The following PPP2R3A variants were observed in gnomAD, a reference collection of about 807,000 sequenced individuals.
The protein encoded by PPP2R3A is serine/threonine-protein phosphatase 2A regulatory subunit B'' subunit alpha.
A neutral mutation model predicts 106.9 loss-of-function variants in PPP2R3A; 80 were observed. That is an observed-to-expected ratio of 0.75 (90% confidence interval 0.62 to 0.90). The LOEUF (loss-of-function observed/expected upper bound fraction) is 0.90, where lower values mean the gene tolerates loss of function less well. Among genes scored for constraint, PPP2R3A ranks in the 40% least tolerant of loss-of-function variants. The pLI is 0.00. For synonymous variants in PPP2R3A, 483 were observed against 468.3 expected (o/e 1.03, Z -0.41); for missense variants, 1,386 against 1,350.4 (o/e 1.03, Z -0.41).
chr3:136,050,363 C>T (rs1160477772), intron 5 of PPP2R3A, among the ~76,000 whole-genome samples: 1 of 152,164 alleles, frequency 6.6e-6, no homozygotes, highest in African/African-American at 2.4e-5. Context: ...CTAACTTTAG[C>T]CTTCGTTTAC....
intron 11 of PPP2R3A, among the ~76,000 whole-genome samples, 160 bp downstream of exon 11, chr3:136,102,342 CTTTTT>C (rs397874378): frequency 8.6e-6 from 1 of 116,034 alleles, no homozygotes. Context: ...AGTGTAGCAA[CTTTTT>C]TTTTTTTTTT....
intron 13 of PPP2R3A, among the ~76,000 whole-genome samples, chr3:136,109,625 A>T (rs938187980): frequency 2.6e-5 from 4 of 152,216 alleles, no homozygotes; most frequent in African/African-American, 9.6e-5. Context: ...ATATTAGGCC[A>T]CAAACAACAC....
chr3:135,989,516 GC>G (rs1933066869), intron 1 of PPP2R3A, among the ~76,000 whole-genome samples: 1 of 106,640 alleles, frequency 9.4e-6, no homozygotes, highest in Non-Finnish European at 1.8e-5. Flanking sequence ...CTTTTTTTTT[GC>G]CTTTTGGAAA....
intron 5 of PPP2R3A, among the ~76,000 whole-genome samples, chr3:136,060,215 C>G (rs575984998): frequency 2.0e-5 from 3 of 152,270 alleles, no homozygotes; most frequent in Admixed American, 6.5e-5. Context: ...TTATTTGCAG[C>G]AACATGGATG....
intron 1 of PPP2R3A, among the ~76,000 whole-genome samples, chr3:135,978,850 A>C (rs1937493093): frequency 6.6e-6 from 1 of 151,818 alleles, no homozygotes; most frequent in African/African-American, 2.4e-5. Flanking sequence ...TCTTCTCATC[A>C]ACCTGTGATT....
intron 1 of PPP2R3A, among the ~76,000 whole-genome samples, chr3:135,967,827 T>G (rs903824503): frequency 5.9e-5 from 9 of 152,342 alleles, no homozygotes; most frequent in Admixed American, 3.9e-4. Context: ...GTTTCTCATT[T>G]GTAGTTCTGT....
At chr3:135,995,068 A>G (rs1933332154) in intron 1 of PPP2R3A, among the ~76,000 whole-genome samples, 1 of 152,176 alleles carries the variant, frequency 6.6e-6, no homozygotes, top group Admixed American at 6.5e-5. Context: ...TATCTGTTGA[A>G]TGAACTCTAA....
intron 13 of PPP2R3A, among the ~76,000 whole-genome samples, chr3:136,134,157 T>C (rs1303589446): frequency 1.3e-5 from 2 of 152,188 alleles, no homozygotes; most frequent in Non-Finnish European, 2.9e-5. Flanking sequence ...GCAGTTAAAA[T>C]ATAGTGTCTT....
chr3:135,995,357 A>T (rs920258379), intron 1 of PPP2R3A, among the ~76,000 whole-genome samples: 13 of 152,156 alleles, frequency 8.5e-5, no homozygotes, highest in African/African-American at 3.1e-4. Flanking sequence ...ATATGCCATT[A>T]AGAAAAAACT....
chr3:136,143,339 A>C (rs1205091385), intron 13 of PPP2R3A, among the ~76,000 whole-genome samples: 1 of 152,060 alleles, frequency 6.6e-6, no homozygotes, highest in East Asian at 1.9e-4. Flanking sequence ...GAAAACACAA[A>C]AACCAGCCAG....
chr3:136,027,275 A>T (rs1298114007), intron 3 of PPP2R3A, among the ~76,000 whole-genome samples, 177 bp downstream of exon 3: 1 of 151,912 alleles, frequency 6.6e-6, no homozygotes, highest in Non-Finnish European at 1.5e-5. Flanking sequence ...CTCCTATTTA[A>T]TATAAGAATC....
chr3:136,129,789 A>G (rs1938330305), intron 13 of PPP2R3A, among the ~76,000 whole-genome samples: 3 of 152,236 alleles, frequency 2.0e-5, no homozygotes, highest in Admixed American at 2.0e-4. Context: ...GGCCGAACCC[A>G]GCAGTACATC....
chr3:136,017,638 A>G (rs1934322679), intron 2 of PPP2R3A, among the ~76,000 whole-genome samples: 1 of 152,148 alleles, frequency 6.6e-6, no homozygotes. Context: ...CAGGACCTCC[A>G]CTTTGATATG....
At chr3:136,022,089 A>T (rs957591385) in intron 2 of PPP2R3A, among the ~76,000 whole-genome samples, 1 of 152,146 alleles carries the variant, frequency 6.6e-6, no homozygotes, top group African/African-American at 2.4e-5. Context: ...TTAATATATG[A>T]TGAAATAATA....
intron 10 of PPP2R3A, among the ~76,000 whole-genome samples, chr3:136,097,012 A>G (rs1184458134): frequency 2.0e-5 from 3 of 152,252 alleles, no homozygotes; most frequent in Non-Finnish European, 1.5e-5. Context: ...CTACAATATT[A>G]GAAATATAAT....
At position 136,142,857 on chromosome 3, in the gene PPP2R3A, C is replaced by CGT. The variant is rs557014142; in HGVS notation, c.3330-2185_3330-2184dup. Among the ~76,000 whole-genome samples, 9 of 152,306 alleles carry CGT rather than the reference C, an allele frequency of 5.9e-5. No homozygotes were observed. The South Asian group carries it at 1.9e-3, about 32-fold the overall frequency. ...TAACACTGATAGCTTACAGACAACACGTTAGGGCACCAAGGGGAAGATGCT... is the reference window on the plus strand; with the variant it reads ...TAACACTGATAGCTTACAGACAACACGTGTTAGGGCACCAAGGGGAAGATGCT... On this transcript the variant is annotated intron_variant, in intron 13 of 13. Coordinates refer to ENST00000264977, the MANE Select transcript of PPP2R3A (RefSeq NM_002718.5).
chr3:136,102,879 T>C (rs1314397908), intron 11 of PPP2R3A, among the ~76,000 whole-genome samples: 1 of 152,030 alleles, frequency 6.6e-6, no homozygotes, highest in Non-Finnish European at 1.5e-5. Flanking sequence ...GATTTTTCCT[T>C]AGACACAGAA....
chr3:136,061,303 C>G (rs1936067039), intron 5 of PPP2R3A, among the ~76,000 whole-genome samples: 1 of 152,102 alleles, frequency 6.6e-6, no homozygotes, highest in African/African-American at 2.4e-5. Flanking sequence ...AATCATTTTG[C>G]AGAGCTAAAA....
chr3:136,099,203 C>T (rs1937294582), intron 10 of PPP2R3A, among the ~76,000 whole-genome samples: 1 of 152,100 alleles, frequency 6.6e-6, no homozygotes. Context: ...AAAACCAGCC[C>T]ATTCATTTTA....
Sources: gnomAD v4.1 joint callset for allele counts (sites outside exome capture counted in the v4.1 genomes callset) on GRCh38, gnomAD v4.1.1 for gene constraint, MANE v1.5 for transcripts, NCBI Gene and HGNC (gene_info 2026-07-23, HGNC 2026-07-21) for gene names.